The following SOX5 variants were observed in gnomAD, a reference collection of about 807,000 sequenced individuals.
SOX5 encodes transcription factor SOX-5.
In SOX5, 9 loss-of-function variants were observed where a neutral mutation model predicts 92.0. The observed-to-expected ratio is 0.10, with a 90% CI of 0.06 to 0.17. The LOEUF (loss-of-function observed/expected upper bound fraction) is 0.17, where lower values mean the gene tolerates loss of function less well. Among genes scored for constraint, SOX5 ranks in the 10% least tolerant of loss-of-function variants. SOX5 has a pLI of 1.00. For synonymous variants in SOX5, 344 were observed against 336.3 expected, an observed-to-expected ratio of 1.02 and a Z score of -0.25; for missense variants, 642 against 944.5, an observed-to-expected ratio of 0.68 and a Z score of 4.20.
intron 2 of SOX5, chr12:24,368,226 G>T (rs1465411227): frequency 6.6e-6 from 1 of 152,174 alleles, no homozygotes. Context: ...TTGCTAATGT[G>T]TGATGTGCTT....
rs532248540 is a variant in SOX5, at chr12:24,026,623, T to A, written c.-1-130599A>T. Among the ~76,000 whole-genome samples the A allele has an allele frequency of 3.4e-4, 50 of 147,286 alleles. No individual in the cohort carries two copies. In the East Asian group the frequency reaches 9.0e-3, roughly 26 times the overall value. ...GCAAAAAAAAAAAAAACAAAAAAAATTTCACCAGGCGTGGTGGCACACACC... is the reference window on the plus strand; with the variant it reads ...GCAAAAAAAAAAAAAACAAAAAAAAATTCACCAGGCGTGGTGGCACACACC... On this transcript the variant is annotated intron_variant, in intron 4 of 4. Coordinates refer to the SOX5 transcript ENST00000446891.
At chr12:23,549,062 T>C (rs1257670724) in intron 11 of SOX5, among the ~76,000 whole-genome samples, 2 of 151,988 alleles carry the variant, frequency 1.3e-5, no homozygotes, top group African/African-American at 2.4e-5. Context: ...CCATTTGAGG[T>C]TCTGTTCTGT....
chr12:24,169,519 G>T (rs188717691), intron 4 of SOX5, among the ~76,000 whole-genome samples: 1 of 152,090 alleles, frequency 6.6e-6, no homozygotes, highest in African/African-American at 2.4e-5. Context: ...TGTTTTACTC[G>T]GCCATGATCT....
chr12:24,056,974 C>CAAAAAAAAAAAAAA lies in SOX5; in HGVS notation c.-2+156355_-2+156368dup, dbSNP rs60085412. Among the ~76,000 whole-genome samples, 181 of 36,844 alleles carry CAAAAAAAAAAAAAA rather than the reference C, an allele frequency of 4.9e-3. 7 individuals are homozygous for CAAAAAAAAAAAAAA. Among genetic ancestry groups the CAAAAAAAAAAAAAA allele is most frequent in the Non-Finnish European group, 5.7e-3 (102 of 17,772 alleles). 24.2% of individuals were successfully genotyped at this position (36,844 alleles called of 152,430 possible). On this transcript the variant is annotated intron_variant, in intron 4 of 4. Transcript: ENST00000446891. ...TGGGCGACAGAGCGAGACTCCGTCT[C>CAAAAAAAAAAAAAA]AAAAAAAAAAAAAAAAAAATTCAAC... is the stretch of plus-strand genomic sequence containing the variant.
At chr12:24,397,543 T>C (rs1208454739) in intron 1 of SOX5, among the ~76,000 whole-genome samples, 4 of 152,220 alleles carry the variant, frequency 2.6e-5, no homozygotes, top group Non-Finnish European at 5.9e-5. Flanking sequence ...CTTTATGGTG[T>C]CTAAATATTT....
intron 4 of SOX5, among the ~76,000 whole-genome samples, chr12:23,991,444 T>C (rs567551386): frequency 1.5e-3 from 231 of 152,076 alleles, no homozygotes; most frequent in Admixed American, 2.1e-3. Context: ...CAGTAAAATA[T>C]ATTATTTACA....
At position 24,348,589 on chromosome 12, in the gene SOX5, G is replaced by A. The variant is rs530991612; in HGVS notation, c.-174+19974C>T. On this transcript the variant is annotated intron_variant, in intron 2 of 4. Transcript: ENST00000446891. ...GTAGAGGCGGTGTTTCACCATGTTG[G>A]CCAGGCTGGTCTGGAACTCCTGACC... Among the ~76,000 whole-genome samples the A allele has an allele frequency of 3.3e-5, 5 of 152,064 alleles. No homozygotes were observed. The East Asian group carries it at 9.7e-4, about 29-fold the overall frequency.
At chr12:24,408,514 C>G (rs1311549214) in intron 1 of SOX5, among the ~76,000 whole-genome samples, 1 of 152,096 alleles carries the variant, frequency 6.6e-6, no homozygotes, top group Non-Finnish European at 1.5e-5. Flanking sequence ...CCTCAGGTTG[C>G]CTTTTTATAG....
At chr12:24,268,456 G>A (rs1428816048) in intron 3 of SOX5, among the ~76,000 whole-genome samples, 6 of 151,952 alleles carry the variant, frequency 3.9e-5, no homozygotes, top group African/African-American at 9.7e-5. Context: ...AGATTTACGT[G>A]TACAATAAGA....
chr12:23,813,794 C>G (rs1181532459), intron 3 of SOX5, among the ~76,000 whole-genome samples: 1 of 152,086 alleles, frequency 6.6e-6, no homozygotes, highest in Non-Finnish European at 1.5e-5. Flanking sequence ...GTAAAATAAT[C>G]TCTTTAAATA....
chr12:24,018,941 A>C (rs1239082859), intron 4 of SOX5, among the ~76,000 whole-genome samples: 1 of 152,204 alleles, frequency 6.6e-6, no homozygotes, highest in Non-Finnish European at 1.5e-5. Flanking sequence ...TTATTTAAAA[A>C]TTAGCAAACA....
intron 4 of SOX5, among the ~76,000 whole-genome samples, chr12:24,067,427 T>G (rs1424650642): frequency 6.6e-6 from 1 of 152,050 alleles, no homozygotes; most frequent in African/African-American, 2.4e-5. Flanking sequence ...CAAACTCCAG[T>G]GCCTTTCAAC....
chr12:23,597,654 T>C (rs1952691059), intron 9 of SOX5, among the ~76,000 whole-genome samples: 1 of 152,240 alleles, frequency 6.6e-6, no homozygotes, highest in Non-Finnish European at 1.5e-5. Context: ...GATAATGGGC[T>C]GCATTTGCAG....
At chr12:24,493,708 C>T (rs539021473) in intron 1 of SOX5, among the ~76,000 whole-genome samples, 1 of 151,704 alleles carries the variant, frequency 6.6e-6, no homozygotes, top group South Asian at 2.1e-4. Context: ...ACTAAAAATA[C>T]AAAAAATTAG....
At chr12:23,881,545 G>A (rs1464138900) in intron 2 of SOX5, among the ~76,000 whole-genome samples, 5 of 152,104 alleles carry the variant, frequency 3.3e-5, no homozygotes, top group African/African-American at 9.7e-5. Context: ...CACTTGCATC[G>A]GCTTTTATAT....
intron 1 of SOX5, among the ~76,000 whole-genome samples, chr12:24,389,225 C>T (rs186733917): frequency 2.1e-3 from 316 of 151,844 alleles, no homozygotes; most frequent in African/African-American, 3.6e-3. Flanking sequence ...TTTGTTCTTG[C>T]GATAGTTTAC....
intron 2 of SOX5, among the ~76,000 whole-genome samples, chr12:24,345,753 A>C (rs1953154824): frequency 6.6e-6 from 1 of 152,186 alleles, no homozygotes; most frequent in Non-Finnish European, 1.5e-5. Flanking sequence ...TCTTTTTAGT[A>C]GTTAAAATTC....
rs76320418 is a variant in SOX5 at position 24,074,630 on chromosome 12, CAAAAAA to C, written c.-2+138707_-2+138712del. 4.9e-4 allele frequency among the ~76,000 whole-genome samples: 25 copies of C among 51,276 alleles called. No homozygotes were observed. The South Asian group carries it at 0.015, about 32-fold the overall frequency. 33.6% of individuals were successfully genotyped at this position (51,276 alleles called of 152,430 possible). A position where few individuals can be genotyped will look rare whatever the true frequency, so the allele number is the denominator to read the frequency against. The stretch of plus-strand genomic sequence containing the variant: ...CTTAGTGTTTATTTCTGTAAACTAC[CAAAAAA>C]AAAAAAAAAAAAAAAAAGCTCAATA... On this transcript the variant is annotated intron_variant, in intron 4 of 4. Coordinates refer to the SOX5 transcript ENST00000446891.
intron 4 of SOX5, among the ~76,000 whole-genome samples, chr12:24,079,181 T>C (rs952885215): frequency 4.0e-5 from 6 of 149,830 alleles, no homozygotes; most frequent in South Asian, 2.1e-4. Flanking sequence ...AGAAATGCTC[T>C]AACAATAAAA....
Sources: allele counts gnomAD v4.1 joint callset (sites outside exome capture counted in the v4.1 genomes callset), GRCh38; gene constraint gnomAD v4.1.1; transcripts MANE v1.5; gene names NCBI Gene and HGNC (gene_info 2026-07-23, HGNC 2026-07-21).